The following DOCK8 variants were observed in gnomAD, a reference collection of about 807,000 sequenced individuals.
The protein encoded by DOCK8 is dedicator of cytokinesis protein 8.
In DOCK8, 141 loss-of-function variants were observed where a neutral mutation model predicts 245.6. That is an observed-to-expected ratio of 0.57 (90% confidence interval 0.50 to 0.66). The LOEUF is 0.66. Among genes scored for constraint, DOCK8 ranks in the 30% least tolerant of loss-of-function variants. DOCK8 has a pLI of 0.00. For missense variants in DOCK8, 2,965 were observed against 2,603.4 expected (o/e 1.14, Z -3.02); for synonymous variants, 1,168 against 970.2 (o/e 1.20, Z -3.79).
chr9:452,171 A>G (rs1044760623), intron 46 of DOCK8, 54 bp downstream of exon 46: 29 of 1,178,068 alleles, frequency 2.5e-5, no homozygotes, highest in South Asian at 1.4e-4. Flanking sequence ...TCAAAGTGCA[A>G]TCTTAGACCA....
intron 1 of DOCK8, among the ~76,000 whole-genome samples, chr9:269,880 T>C (rs1189223105): frequency 6.6e-6 from 1 of 152,206 alleles, no homozygotes; most frequent in Non-Finnish European, 1.5e-5. Context: ...TCATTTCTCC[T>C]GGGTAAATAC....
intron 14 of DOCK8, among the ~76,000 whole-genome samples, chr9:359,712 C>G (rs1062300): frequency 6.7e-6 from 1 of 150,352 alleles, no homozygotes; most frequent in Non-Finnish European, 1.5e-5. Flanking sequence ...AAGCGCCAAC[C>G]TTTTCCTGTA....
chr9:270,426 C>T lies in DOCK8; in HGVS notation c.54-1201C>T, dbSNP rs10967178. On this transcript the variant is annotated intron_variant, in intron 1 of 47. Coordinates refer to ENST00000432829, the MANE Select transcript of DOCK8 (RefSeq NM_203447.4). ...TTTGTGTTTCTGCCTAGACAGTGCACAGCATGAGTGTTGGCATCTTGAAAG... is the reference window on the plus strand; with the variant it reads ...TTTGTGTTTCTGCCTAGACAGTGCATAGCATGAGTGTTGGCATCTTGAAAG... 5.7e-3 allele frequency among the ~76,000 whole-genome samples: 873 copies of T among 152,302 alleles called. 5 individuals are homozygous for T. Among genetic ancestry groups the T allele is most frequent in the Admixed American group, 0.014 (220 of 15,294 alleles).
Position 271,778 on chromosome 9 carries a change from G to GCCC in DOCK8, c.156+50_156+52dup, listed in dbSNP as rs372969182. ...TTAGCGATTGGTCAAGTGCAAAAGT[G>GCCC]CCCAGGGTATGTGTTTGCCTCCTGT... On this transcript the variant is annotated intron_variant, in intron 2 of 47. Transcript: ENST00000432829. 2.2e-6 allele frequency: 3 copies of GCCC among 1,356,228 alleles called. No homozygotes were observed. The Admixed American group carries it at 6.1e-5, about 28-fold the overall frequency. The allele number at this position is 1,356,228 out of a possible 1,614,324, so 84.0% of individuals were successfully genotyped here.
chr9:386,250 A>T (rs529158923), intron 22 of DOCK8, 81 bp from the exon 23 acceptor site: 1 of 1,195,076 alleles, frequency 8.4e-7, no homozygotes, highest in African/African-American at 1.5e-5. Context: ...AAAAAAATGA[A>T]TTCTGAGGTT....
At chr9:420,668 C>A in intron 31 of DOCK8, 85 bp downstream of exon 31, 1 of 1,527,018 alleles carries the variant, frequency 6.5e-7, no homozygotes, top group Non-Finnish European at 9.1e-7. Flanking sequence ...TTGTTTGGGC[C>A]ATGGAGGCAT....
intron 28 of DOCK8, among the ~76,000 whole-genome samples, chr9:412,665 T>C (rs1007712619): frequency 6.6e-6 from 1 of 151,734 alleles, no homozygotes; most frequent in African/African-American, 2.4e-5. Flanking sequence ...TCATATAAAA[T>C]AGCATCACAA....
At position 262,461 on chromosome 9, in the gene DOCK8, G is replaced by C. The variant is rs929890355; in HGVS notation, c.54-9166G>C. On this transcript the variant is annotated intron_variant, in intron 1 of 47. Transcript: ENST00000432829. ...GATGAATGGATTTAAAAAAAACCATGTTATATCCATACAAAGGAATACTCC... is the reference window on the plus strand; with the variant it reads ...GATGAATGGATTTAAAAAAAACCATCTTATATCCATACAAAGGAATACTCC... Among the ~76,000 whole-genome samples the C allele has an allele frequency of 2.7e-5, 4 of 146,290 alleles. 1 individual carries two copies. The highest frequency in any genetic ancestry group is 9.8e-5 in the African/African-American group (4 of 40,688).
At chr9:420,803 GGCCCATAGGAT>G in intron 31 of DOCK8, 135 bp from the exon 32 acceptor site, 1 of 1,270,674 alleles carries the variant, frequency 7.9e-7, no homozygotes, top group Non-Finnish European at 1.1e-6. Flanking sequence ...ACAGAGTTTT[GGCCCATAGGAT>G]GCTCCAGAGC....
rs1158277364 is a variant in DOCK8, at chr9:248,458, CT to C, written c.54-23167del. ...CTTCTGTCTTTCCCCTCCTTCCTTC[CT>C]TCCTTCCTCCCTCCCTCCTCTCTCC... On this transcript the variant is annotated intron_variant, in intron 1 of 47. Coordinates refer to ENST00000432829, the MANE Select transcript of DOCK8 (RefSeq NM_203447.4). Among the ~76,000 whole-genome samples the C allele has an allele frequency of 5.8e-3, 878 of 151,554 alleles. 5 individuals carry two copies. Among genetic ancestry groups the C allele is most frequent in the African/African-American group, 0.02 (845 of 41,238 alleles).
At chr9:312,749 C>G (rs1586674123) in intron 6 of DOCK8, 2 of 326,752 alleles carry the variant, frequency 6.1e-6, no homozygotes, top group Non-Finnish European at 1.2e-5. Flanking sequence ...TGCCTGTGGT[C>G]ACTGCCTGAG....
In DOCK8 at chr9:386,464, A is replaced by C. The variant is rs534072682; in HGVS notation, c.2874+38A>C. On this transcript the variant is annotated intron_variant, in intron 23 of 47. Coordinates refer to ENST00000432829, the MANE Select transcript of DOCK8 (RefSeq NM_203447.4). ...GCAATGTGAGGTTCATCCCAGGATAAGAACAGAAGGATTTCCTCATGCCCT... is the reference window on the plus strand; with the variant it reads ...GCAATGTGAGGTTCATCCCAGGATACGAACAGAAGGATTTCCTCATGCCCT... The C allele has an allele frequency of 3.8e-6, 6 of 1,575,606 alleles. No homozygotes were observed. The East Asian group carries it at 1.3e-4, about 35-fold the overall frequency.
At chr9:417,995 G>T in intron 29 of DOCK8, 73 bp from the exon 30 acceptor site, 1 of 1,600,212 alleles carries the variant, frequency 6.2e-7, no homozygotes, top group Non-Finnish European at 8.5e-7. Context: ...AGAAGTATCA[G>T]TCTCTTATTG....
intron 18 of DOCK8, among the ~76,000 whole-genome samples, chr9:374,579 G>T (rs1362315597): frequency 6.8e-6 from 1 of 146,794 alleles, no homozygotes; most frequent in African/African-American, 2.5e-5. Context: ...GTCTCACCTC[G>T]GCCTCCTTAG....
chr9:322,752 T>C (rs1342504603), intron 7 of DOCK8, among the ~76,000 whole-genome samples: 1 of 152,154 alleles, frequency 6.6e-6, no homozygotes, highest in East Asian at 1.9e-4. Context: ...AACAATTAAA[T>C]ATAGATTGAG....
At chr9:264,171 G>A (rs1424500652) in intron 1 of DOCK8, among the ~76,000 whole-genome samples, 1 of 152,224 alleles carries the variant, frequency 6.6e-6, no homozygotes, top group Non-Finnish European at 1.5e-5. Context: ...TGATTATGCT[G>A]CTTCATCAGC....
At chr9:445,066 G>A (rs1164715724) in intron 43 of DOCK8, among the ~76,000 whole-genome samples, 9 of 152,224 alleles carry the variant, frequency 5.9e-5, no homozygotes, top group Non-Finnish European at 1.0e-4. Flanking sequence ...TTTTCAGAAT[G>A]CTTTCTCACT....
intron 2 of DOCK8, among the ~76,000 whole-genome samples, chr9:276,812 T>C (rs2048364466): frequency 6.6e-6 from 1 of 152,146 alleles, no homozygotes; most frequent in Non-Finnish European, 1.5e-5. Context: ...TTTCATTTAT[T>C]TATTTATTTA....
At chr9:251,965 GTGTTTTC>G (rs1199081464) in intron 1 of DOCK8, among the ~76,000 whole-genome samples, 4 of 141,898 alleles carry the variant, frequency 2.8e-5, no homozygotes, top group Non-Finnish European at 3.0e-5. Context: ...GAGAGCAATT[GTGTTTTC>G]TTTTTTTTTT....
Sources: allele counts gnomAD v4.1 joint callset (sites outside exome capture counted in the v4.1 genomes callset), GRCh38; gene constraint gnomAD v4.1.1; transcripts MANE v1.5; gene names NCBI Gene and HGNC (gene_info 2026-07-23, HGNC 2026-07-21).